SLC39A11: variants seen among roughly 807,000 people sequenced by gnomAD.
SLC39A11 encodes the protein zinc transporter ZIP11.
SLC39A11 carries 33 observed loss-of-function variants against 36.1 expected under a neutral mutation model. The observed-to-expected ratio is 0.91, with a 90% CI of 0.69 to 1.22. The LOEUF (loss-of-function observed/expected upper bound fraction) is 1.22. SLC39A11 is among the 50% of genes most tolerant of loss of function. The pLI, the probability that SLC39A11 is intolerant of heterozygous loss-of-function variation, is 0.00. For missense variants in SLC39A11, 432 were observed against 430.3 expected (o/e 1.00, Z -0.03); for synonymous variants, 166 against 170.3 (o/e 0.97, Z 0.20).
intron 4 of SLC39A11, among the ~76,000 whole-genome samples, chr17:72,966,086 TGCTGAACCA>T (rs1417613587): frequency 4.6e-5 from 7 of 152,222 alleles, no homozygotes; most frequent in African/African-American, 7.2e-5. Context: ...GTCTTCATTC[TGCTGAACCA>T]GGGTGACAGG....
At chr17:72,838,527 G>T (rs1321000136) in intron 6 of SLC39A11, among the ~76,000 whole-genome samples, 3 of 152,078 alleles carry the variant, frequency 2.0e-5, no homozygotes. Context: ...ACTGTGCCTG[G>T]CCTTGAATTG....
At chr17:72,687,877 A>G (rs1057235768) in intron 7 of SLC39A11, among the ~76,000 whole-genome samples, 5 of 152,256 alleles carry the variant, frequency 3.3e-5, no homozygotes, top group African/African-American at 1.2e-4. Context: ...GCAGAAACTG[A>G]GGCTCTGTGG....
intron 1 of SLC39A11, among the ~76,000 whole-genome samples, chr17:73,089,032 G>C (rs1227637820): frequency 6.6e-6 from 1 of 152,156 alleles, no homozygotes; most frequent in African/African-American, 2.4e-5. Flanking sequence ...CACAAAAAAG[G>C]CTGCAACATT....
intron 6 of SLC39A11, among the ~76,000 whole-genome samples, chr17:72,783,731 G>A (rs2076401141): frequency 6.6e-6 from 1 of 152,210 alleles, no homozygotes; most frequent in Non-Finnish European, 1.5e-5. Flanking sequence ...CTAAACGCAG[G>A]CAGGAGTCTG....
intron 5 of SLC39A11, among the ~76,000 whole-genome samples, chr17:72,900,978 AACAAAAAAAAAAC>A (rs1291320419): frequency 2.4e-5 from 1 of 42,056 alleles, no homozygotes; most frequent in Non-Finnish European, 4.7e-5. Flanking sequence ...ACAAACAAAC[AACAAAAAAAAAAC>A]ACGAAAAAAA....
chr17:72,913,627 A>G (rs1042059122), intron 5 of SLC39A11, among the ~76,000 whole-genome samples: 15 of 152,172 alleles, frequency 9.9e-5, no homozygotes, highest in Non-Finnish European at 1.5e-4. Context: ...AAATGAGAGC[A>G]CAGCAAGTGT....
At chr17:73,072,651 C>T (rs1215925396) in intron 3 of SLC39A11, 1 of 152,186 alleles carries the variant, frequency 6.6e-6, no homozygotes, top group African/African-American at 2.4e-5. Flanking sequence ...TTTGTGCCAC[C>T]CCCTCTTCTT....
chr17:72,941,556 GTT>G (rs11350044), intron 5 of SLC39A11, among the ~76,000 whole-genome samples: 83 of 146,682 alleles, frequency 5.7e-4, no homozygotes, highest in African/African-American at 1.0e-3. Context: ...TCAGGACTGT[GTT>G]TTTTTTTTTT....
chr17:72,733,774 T>C (rs778094989), intron 7 of SLC39A11, among the ~76,000 whole-genome samples: 16 of 152,184 alleles, frequency 1.1e-4, no homozygotes, highest in Admixed American at 7.2e-4. Context: ...TTTAGTGCAA[T>C]TGATCAAGCC....
chr17:72,862,108 G>A (rs1338303863), intron 5 of SLC39A11, among the ~76,000 whole-genome samples: 1 of 152,062 alleles, frequency 6.6e-6, no homozygotes, highest in Non-Finnish European at 1.5e-5. Flanking sequence ...TATTGAGTCA[G>A]GGGCCATTGC....
intron 6 of SLC39A11, among the ~76,000 whole-genome samples, chr17:72,826,670 T>C (rs1050169740): frequency 6.6e-6 from 1 of 152,290 alleles, no homozygotes; most frequent in Middle Eastern, 3.4e-3. Flanking sequence ...TGGATATACA[T>C]GGCGATCGTA....
At chr17:72,764,347 G>A (rs533196248) in intron 6 of SLC39A11, among the ~76,000 whole-genome samples, 1 of 152,244 alleles carries the variant, frequency 6.6e-6, no homozygotes, top group Admixed American at 6.5e-5. Flanking sequence ...GTGGGGACAA[G>A]GCAAAGCTCT....
At chr17:72,954,502 G>A (rs2086106603) in intron 4 of SLC39A11, among the ~76,000 whole-genome samples, 1 of 152,188 alleles carries the variant, frequency 6.6e-6, no homozygotes. Context: ...GGGCTGGCGG[G>A]TGGCCTGCCT....
intron 7 of SLC39A11, among the ~76,000 whole-genome samples, chr17:72,703,795 G>A (rs938006950): frequency 6.6e-6 from 1 of 152,208 alleles, no homozygotes; most frequent in African/African-American, 2.4e-5. Context: ...TAATTTCTCT[G>A]TTTGATGATC....
At chr17:73,092,437 C>T (rs2060957414) in intron 1 of SLC39A11, 174 bp downstream of exon 1, 1 of 151,038 alleles carries the variant, frequency 6.6e-6, no homozygotes. Flanking sequence ...CCACCCCGCC[C>T]CGACACCTGC....
At chr17:73,068,240 G>A (rs929755095) in intron 3 of SLC39A11, 1 of 825,118 alleles carries the variant, frequency 1.2e-6, no homozygotes, top group East Asian at 2.4e-5. Flanking sequence ...TTCCCCTCCA[G>A]TAGCACTTGA....
Position 73,087,448 on chromosome 17 carries a change from G to A in SLC39A11, c.108+1209C>T, listed in dbSNP as rs559882615. On this transcript the variant is annotated intron_variant, in intron 2 of 9. Transcript: ENST00000255559. ...ATCTTAAGTCACTTATTCATTTGCC[G>A]TTTCTACAATGTCTCAGGCTACCGA... Among the ~76,000 whole-genome samples, 9 of 152,254 alleles carry A rather than the reference G, an allele frequency of 5.9e-5. No homozygotes were observed. In the South Asian group the frequency reaches 8.3e-4, roughly 14 times the overall value.
At chr17:73,027,998 G>A (rs2058615265) in intron 4 of SLC39A11, among the ~76,000 whole-genome samples, 1 of 152,152 alleles carries the variant, frequency 6.6e-6, no homozygotes, top group African/African-American at 2.4e-5. Context: ...CTGCAGACAG[G>A]CCCCCTACAT....
intron 6 of SLC39A11, among the ~76,000 whole-genome samples, chr17:72,742,006 A>G (rs2074728649): frequency 6.6e-6 from 1 of 152,148 alleles, no homozygotes; most frequent in South Asian, 2.1e-4. Context: ...GCTCAAGATT[A>G]GCCTGGCCAA....
Sources: gnomAD v4.1 joint callset for allele counts (sites outside exome capture counted in the v4.1 genomes callset) on GRCh38, gnomAD v4.1.1 for gene constraint, MANE v1.5 for transcripts, NCBI Gene and HGNC (gene_info 2026-07-23, HGNC 2026-07-21) for gene names.